PRKCZ: variants seen among roughly 807,000 people sequenced by gnomAD.
The protein encoded by PRKCZ is protein kinase C zeta type.
A neutral mutation model predicts 79.5 loss-of-function variants in PRKCZ; 33 were observed. That is an observed-to-expected ratio of 0.41 (90% confidence interval 0.31 to 0.55). The LOEUF (loss-of-function observed/expected upper bound fraction) is 0.55. Among genes scored for constraint, PRKCZ ranks in the 20% least tolerant of loss-of-function variants. PRKCZ has a pLI of 0.19. For missense variants in PRKCZ, 578 were observed against 813.5 expected, an observed-to-expected ratio of 0.71 and a Z score of 3.52; for synonymous variants, 342 against 320.9, an observed-to-expected ratio of 1.07 and a Z score of -0.70.
At chr1:2,175,983 C>T (rs1685421813) in intron 16 of PRKCZ, among the ~76,000 whole-genome samples, 1 of 152,172 alleles carries the variant, frequency 6.6e-6, no homozygotes, top group Non-Finnish European at 1.5e-5. Flanking sequence ...GTTTTATCAG[C>T]AGTTACTGGA....
chr1:2,081,129 G>A (rs1039543985), intron 4 of PRKCZ, among the ~76,000 whole-genome samples: 1 of 152,258 alleles, frequency 6.6e-6, no homozygotes, highest in Admixed American at 6.5e-5. Context: ...AAGAGGTGAG[G>A]AGCTACATAC....
intron 1 of PRKCZ, among the ~76,000 whole-genome samples, chr1:2,051,450 AC>A (rs1264259482): frequency 6.6e-6 from 1 of 151,854 alleles, no homozygotes; most frequent in Non-Finnish European, 1.5e-5. Flanking sequence ...GGAGGGGAGG[AC>A]CCGTGGGTTT....
intron 16 of PRKCZ, chr1:2,182,676 G>A (rs532989339): frequency 4.5e-4 from 70 of 154,974 alleles, no homozygotes; most frequent in African/African-American, 1.6e-3. Context: ...AGGGAGCAGC[G>A]CGCCGTGACA....
chr1:2,089,547 T>C (rs1322059604), intron 4 of PRKCZ, among the ~76,000 whole-genome samples: 2 of 152,250 alleles, frequency 1.3e-5, no homozygotes, highest in African/African-American at 4.8e-5. Flanking sequence ...GCCAGAGCCT[T>C]CTCAGAGTCT....
rs554208317 is a variant in PRKCZ at position 2,160,023 on chromosome 1, T to C, written c.974+3931T>C. Among the ~76,000 whole-genome samples, 154 of 152,296 alleles carry C rather than the reference T, an allele frequency of 1.0e-3. No homozygotes were observed. The Middle Eastern group carries it at 0.017, about 17-fold the overall frequency. Reference sequence around the variant, plus strand: ...GCAAACTACCCTTAAAATACGCCCATTCACTCGCTGTTCTAAAATAAAATC... The same window carrying C: ...GCAAACTACCCTTAAAATACGCCCACTCACTCGCTGTTCTAAAATAAAATC... On this transcript the variant is annotated intron_variant, in intron 10 of 17. Transcript: ENST00000378567.
intron 10 of PRKCZ, among the ~76,000 whole-genome samples, chr1:2,163,726 T>G (rs1459670063): frequency 7.4e-6 from 1 of 134,764 alleles, no homozygotes; most frequent in Non-Finnish European, 1.6e-5. Flanking sequence ...CCGTCTCTAC[T>G]AAAAATACAA....
At chr1:2,084,148 G>A (rs1471614542) in intron 4 of PRKCZ, among the ~76,000 whole-genome samples, 2 of 152,218 alleles carry the variant, frequency 1.3e-5, no homozygotes, top group African/African-American at 2.4e-5. Context: ...GCTGAGGCAC[G>A]AGAATCACTT....
chr1:2,145,262 T>C (rs1678259654), intron 6 of PRKCZ: 4 of 152,216 alleles, frequency 2.6e-5, no homozygotes, highest in Admixed American at 1.3e-4. Context: ...TGTGGTCAGC[T>C]AGAGGCGGAG....
chr1:2,133,156 C>A (rs902822961), intron 4 of PRKCZ, among the ~76,000 whole-genome samples: 2 of 152,194 alleles, frequency 1.3e-5, no homozygotes, highest in African/African-American at 4.8e-5. Flanking sequence ...TTCAGGGTTT[C>A]CCAGGCGCAC....
At position 2,091,105 on chromosome 1, in the gene PRKCZ, C is replaced by T. The variant is rs563165190; in HGVS notation, c.334+31514C>T. On this transcript the variant is annotated intron_variant, in intron 4 of 17. Transcript: ENST00000378567. ...GGACTGCAGTGGTGCAATCTCGGTTCACTGCGACCTCCGCCTCCTGGGTTC... is the reference window on the plus strand; with the variant it reads ...GGACTGCAGTGGTGCAATCTCGGTTTACTGCGACCTCCGCCTCCTGGGTTC... Among the ~76,000 whole-genome samples the T allele has an allele frequency of 2.0e-5, 3 of 152,302 alleles. No individual in the cohort carries two copies. In the East Asian group the frequency reaches 5.8e-4, roughly 29 times the overall value.
At chr1:2,050,073 T>C (rs1659494891), upstream of PRKCZ, 1 of 151,952 alleles carries the variant, frequency 6.6e-6, no homozygotes, top group Non-Finnish European at 1.5e-5. Context: ...GCCGCAGGAG[T>C]TTCGATTCGG....
At position 2,171,676 on chromosome 1, in the gene PRKCZ, A is replaced by G. The variant is rs916373671; in HGVS notation, c.1062-379A>G. ...AGCCACCAAGCCTGGCACCGTGTTT[A>G]ATTTTCGAGGACCTGCCGGACTGTC... On this transcript the variant is annotated intron_variant, in intron 11 of 17. Transcript: ENST00000378567. 5 of 179,494 alleles carry G rather than the reference A, an allele frequency of 2.8e-5. No individual in the cohort carries two copies. The Admixed American group carries it at 2.9e-4, about 10-fold the overall frequency. The allele number at this position is 179,494 out of a possible 1,614,324, so 11.1% of individuals were successfully genotyped here.
intron 10 of PRKCZ, among the ~76,000 whole-genome samples, chr1:2,159,998 GCAAACTACCC>G (rs1462159695): frequency 5.9e-5 from 9 of 152,172 alleles, no homozygotes; most frequent in African/African-American, 2.2e-4. Flanking sequence ...TGGTAGGTGA[GCAAACTACCC>G]TTAAAATACG....
At chr1:2,120,293 G>GTTTTTGTTT in intron 4 of PRKCZ, among the ~76,000 whole-genome samples, 1 of 32,832 alleles carries the variant, frequency 3.0e-5, no homozygotes, top group East Asian at 8.9e-4. Flanking sequence ...TTGACTTTTC[G>GTTTTTGTTT]TTTTTTTTTT....
chr1:2,116,280 G>A (rs1571511039), intron 4 of PRKCZ: 1 of 152,252 alleles, frequency 6.6e-6, no homozygotes, highest in East Asian at 1.9e-4. Flanking sequence ...AGATCTGAAA[G>A]GCACTAGGCT....
At chr1:2,067,876 A>G (rs2102285104) in intron 4 of PRKCZ, among the ~76,000 whole-genome samples, 1 of 152,324 alleles carries the variant, frequency 6.6e-6, no homozygotes, top group South Asian at 2.1e-4. Context: ...AGTGATACAA[A>G]TATATTTTCT....
intron 4 of PRKCZ, among the ~76,000 whole-genome samples, chr1:2,112,690 GGTTTTT>G (rs1268812816): frequency 1.6e-4 from 4 of 25,228 alleles, no homozygotes; most frequent in Admixed American, 5.3e-4. Context: ...TTGGTTGGTT[GGTTTTT>G]TTTTTTTTTG....
chr1:2,082,975 G>T lies in PRKCZ; in HGVS notation c.334+23384G>T, dbSNP rs141207013. On this transcript the variant is annotated intron_variant, in intron 4 of 17. Transcript: ENST00000378567. This position sits in a 1 kb window ranked among gnomAD's most constrained non-coding sequence, Gnocchi z 4.4. ...CACCTCGGGCACAGGTGAAGGACAG[G>T]TGTCCACACCTTGGGTGCCCCCGTC... Among the ~76,000 whole-genome samples, 61 of 152,240 alleles carry T rather than the reference G, an allele frequency of 4.0e-4. No individual in the cohort carries two copies. The East Asian group carries it at 0.012, about 29-fold the overall frequency.
intron 10 of PRKCZ, among the ~76,000 whole-genome samples, chr1:2,161,630 C>G (rs559055117): frequency 1.3e-5 from 2 of 152,180 alleles, no homozygotes; most frequent in Non-Finnish European, 2.9e-5. Context: ...ACTGGCCGCT[C>G]TTAGAACAGG....
Sources: allele counts gnomAD v4.1 joint callset (sites outside exome capture counted in the v4.1 genomes callset), GRCh38; gene constraint gnomAD v4.1.1; non-coding constraint Gnocchi (gnomAD v3.1); transcripts MANE v1.5; gene names NCBI Gene and HGNC (gene_info 2026-07-23, HGNC 2026-07-21).